The following SATL1 variants were observed in gnomAD, a reference collection of about 807,000 sequenced individuals.
SATL1 encodes spermidine/spermine N(1)-acetyltransferase-like protein 1.
SATL1 carries 47 observed loss-of-function variants against 51.8 expected under a neutral mutation model. The observed-to-expected ratio is 0.91, with a 90% CI of 0.72 to 1.16. The LOEUF is 1.16. Among genes scored for constraint, SATL1 ranks in the 50% most tolerant of loss-of-function variants. The pLI, the probability that SATL1 is intolerant of heterozygous loss-of-function variation, is 0.00. For synonymous variants in SATL1, 176 were observed against 182.4 expected, an observed-to-expected ratio of 0.97 and a Z score of 0.28; for missense variants, 520 against 526.4, an observed-to-expected ratio of 0.99 and a Z score of 0.12.
At chrX:85,210,146 G>A (rs1350774785) in intron 2 of SATL1, 1 of 99,704 alleles carries the variant, frequency 1.0e-5, no homozygotes, top group Non-Finnish European at 2.0e-5. Flanking sequence ...CTAACTAGCT[G>A]CTGGTTTTTT....
chrX:85,219,638 T>C (rs1403712360), intron 2 of SATL1: 1 of 112,314 alleles, frequency 8.9e-6, no homozygotes, highest in Non-Finnish European at 1.9e-5. Flanking sequence ...TAAGGAGTTT[T>C]ATTTGAAATA....
chrX:85,215,400 G>A (rs1047070803), intron 2 of SATL1, among the ~76,000 whole-genome samples: 8 of 111,695 alleles, frequency 7.2e-5, no homozygotes, highest in Non-Finnish European at 9.4e-5. Context: ...CAACATCCTT[G>A]GATTCCTCTC....
intron 2 of SATL1, among the ~76,000 whole-genome samples, chrX:85,175,137 CTTG>C (rs1004248107): frequency 1.8e-5 from 2 of 111,285 alleles, no homozygotes; most frequent in African/African-American, 6.5e-5. Context: ...AACCATGGAA[CTTG>C]TTAGTAGTGA....
chrX:85,197,402 G>T (rs1927589588), intron 2 of SATL1, among the ~76,000 whole-genome samples: 1 of 110,512 alleles, frequency 9.0e-6, no homozygotes, highest in African/African-American at 3.3e-5. Flanking sequence ...TACCCTTTTA[G>T]TTATTTTTAA....
intron 2 of SATL1, among the ~76,000 whole-genome samples, chrX:85,204,643 G>C (rs1397348072): frequency 9.0e-6 from 1 of 111,556 alleles, no homozygotes; most frequent in Non-Finnish European, 1.9e-5. Flanking sequence ...CTAATTGTTG[G>C]AGTAATCCTA....
intron 2 of SATL1, chrX:85,209,045 C>T (rs1277532554): frequency 9.0e-6 from 1 of 111,401 alleles, no homozygotes; most frequent in Non-Finnish European, 1.9e-5. Context: ...AACATTTAAT[C>T]CATCTTGAAT....
chrX:85,092,720 A>G, intron 7 of SATL1, 159 bp from the exon 8 acceptor site: 1 of 487,514 alleles, frequency 2.1e-6, no homozygotes, highest in Non-Finnish European at 3.2e-6. Context: ...AGCTGTAAAA[A>G]GAAAAAAGTC....
chrX:85,107,523 C>G lies in SATL1; in HGVS notation c.1446G>C (p.Trp482Cys). The G allele has an allele frequency of 8.3e-7, 1 of 1,211,620 alleles. No homozygotes were observed. Among genetic ancestry groups the G allele is most frequent in the Admixed American group, 2.2e-5 (1 of 46,073 alleles). Residue 482 changes from tryptophan to cysteine, a missense_variant, in exon 3 of 8, where the codon TGG becomes TGC. By Grantham distance (215) the Trp-to-Cys change is radical. Coordinates refer to ENST00000644105, the MANE Select transcript of SATL1 (RefSeq NM_001367857.2). ...GGCCTGGCTGACTCGGCCCCGGTTC[C>G]CATATGCCTGGTTGGCCCCTGCCTG... Reference protein sequence around the residue: ...SHPGRGQPGIWEPGPSQPGLS... With the variant: ...SHPGRGQPGICEPGPSQPGLS...
intron 2 of SATL1, among the ~76,000 whole-genome samples, chrX:85,217,781 C>T (rs1376433561): frequency 1.8e-5 from 2 of 111,519 alleles, no homozygotes; most frequent in Admixed American, 9.6e-5. Context: ...CACTTTCAGG[C>T]TAATACTCTC....
At chrX:85,152,664 C>G (rs938292420) in intron 2 of SATL1, among the ~76,000 whole-genome samples, 2 of 111,431 alleles carry the variant, frequency 1.8e-5, no homozygotes, top group Admixed American at 9.6e-5. Flanking sequence ...CATGTCCTTT[C>G]TAGGGGCATG....
At chrX:85,115,084 A>G (rs780184074) in intron 2 of SATL1, among the ~76,000 whole-genome samples, 2 of 111,913 alleles carry the variant, frequency 1.8e-5, no homozygotes, top group Non-Finnish European at 1.9e-5. Context: ...AGGAAGTGGA[A>G]GGAAGTGAGA....
chrX:85,202,455 A>G (rs1927706009), intron 2 of SATL1, among the ~76,000 whole-genome samples: 1 of 111,136 alleles, frequency 9.0e-6, no homozygotes, highest in Non-Finnish European at 1.9e-5. Flanking sequence ...GTTCCCTCTC[A>G]GTGCTCTGAA....
chrX:85,200,231 T>C (rs188131742), intron 2 of SATL1, among the ~76,000 whole-genome samples: 1 of 111,952 alleles, frequency 8.9e-6, no homozygotes, highest in Non-Finnish European at 1.9e-5. Flanking sequence ...AAAGGCTATT[T>C]ACTTGTCTGT....
At chrX:85,214,686 A>T (rs756448734) in intron 2 of SATL1, among the ~76,000 whole-genome samples, 1 of 111,940 alleles carries the variant, frequency 8.9e-6, no homozygotes, top group African/African-American at 3.3e-5. Flanking sequence ...AAAACAAGTT[A>T]TTTAACTCCA....
intron 1 of SATL1, among the ~76,000 whole-genome samples, chrX:85,239,884 A>G (rs1928552069): frequency 9.0e-6 from 1 of 111,064 alleles, no homozygotes. Flanking sequence ...AAAAACTAAA[A>G]TGTTAAACTT....
chrX:85,115,023 G>T (rs1602842792), intron 2 of SATL1, among the ~76,000 whole-genome samples: 1 of 111,668 alleles, frequency 9.0e-6, no homozygotes. Flanking sequence ...TGAAGGTCTT[G>T]ATGCATACTG....
intron 2 of SATL1, among the ~76,000 whole-genome samples, chrX:85,157,575 C>G (rs902488689): frequency 1.8e-5 from 2 of 111,224 alleles, no homozygotes; most frequent in African/African-American, 3.3e-5. Flanking sequence ...CTGTCACCCA[C>G]CTATTTTTCA....
intron 2 of SATL1, among the ~76,000 whole-genome samples, chrX:85,150,578 C>T (rs1926399881): frequency 9.0e-6 from 1 of 111,184 alleles, no homozygotes; most frequent in South Asian, 3.8e-4. Context: ...AAAATACTGG[C>T]AAACTGAATC....
At chrX:85,124,778 T>C (rs1465260557) in intron 2 of SATL1, among the ~76,000 whole-genome samples, 2 of 110,942 alleles carry the variant, frequency 1.8e-5, no homozygotes, top group Non-Finnish European at 3.8e-5. Flanking sequence ...TTATTACTTA[T>C]AGATAGTAAG....
Sources: allele counts gnomAD v4.1 joint callset (sites outside exome capture counted in the v4.1 genomes callset), GRCh38; gene constraint gnomAD v4.1.1; transcripts MANE v1.5; gene names NCBI Gene and HGNC (gene_info 2026-07-23, HGNC 2026-07-21).